Variants in ATP10A observed in about 807,000 individuals in gnomAD.
ATP10A encodes phospholipid-transporting ATPase VA.
ATP10A carries 111 observed loss-of-function variants against 147.8 expected under a neutral mutation model. That is an observed-to-expected ratio of 0.75 (90% CI 0.64 to 0.88). ATP10A has a LOEUF of 0.88. Among genes scored for constraint, ATP10A ranks in the 40% least tolerant of loss-of-function variants. ATP10A has a pLI of 0.00. For synonymous variants in ATP10A, 875 were observed against 841.6 expected (o/e 1.04, Z -0.69); for missense variants, 1,927 against 1,959.0 (o/e 0.98, Z 0.31).
intron 12 of ATP10A, among the ~76,000 whole-genome samples, chr15:25,707,365 T>C (rs543508029): frequency 6.6e-6 from 1 of 152,226 alleles, no homozygotes; most frequent in African/African-American, 2.4e-5. Flanking sequence ...CAACACCAGC[T>C]CTTCAAGGAC....
chr15:25,742,855 C>T lies in ATP10A; in HGVS notation c.655-6714G>A, dbSNP rs183941875. On this transcript the variant is annotated intron_variant, in intron 2 of 20. Coordinates refer to ENST00000555815, the MANE Select transcript of ATP10A (RefSeq NM_024490.4). The stretch of plus-strand genomic sequence containing the variant: ...CAACAGGGTGTCCCTGCATGAAACC[C>T]GCCTGCAGCCCCTCTGCTGAGCTAT... Among the ~76,000 whole-genome samples the T allele has an allele frequency of 2.4e-3, 362 of 152,314 alleles. 1 individual carries two copies. Among genetic ancestry groups the T allele is most frequent in the African/African-American group, 8.3e-3 (347 of 41,558 alleles).
chr15:25,864,425 T>A (rs771474774), upstream of ATP10A, among the ~76,000 whole-genome samples: 1 of 152,158 alleles, frequency 6.6e-6, no homozygotes, highest in Non-Finnish European at 1.5e-5. Context: ...TGGGGGTGCC[T>A]GCTAACAAGG....
chr15:25,683,319 G>A lies in ATP10A; in HGVS notation c.3459C>T (p.Asn1153=). 1 of 1,614,124 alleles carries A rather than the reference G, an allele frequency of 6.2e-7. No homozygotes were observed. Among genetic ancestry groups the A allele is most frequent in the Non-Finnish European group, 8.5e-7 (1 of 1,180,026 alleles). ...TCTGGCCACTCTTGTAGAGCTGCGG[G>A]TTGGTCAGCAGCACATTGGCTGGCA... ...RDVPANVLLT[N]PQLYKSGQNM... Residue 1153 remains asparagine, a synonymous_variant, in exon 17 of 21, where the codon AAC becomes AAT. Coordinates refer to ENST00000555815, the MANE Select transcript of ATP10A (RefSeq NM_024490.4).
intron 1 of ATP10A, among the ~76,000 whole-genome samples, chr15:25,830,309 A>C (rs1383875588): frequency 1.3e-5 from 2 of 152,112 alleles, no homozygotes; most frequent in Admixed American, 1.3e-4. Flanking sequence ...CTGCAGAGCC[A>C]CCTTGGGAAG....
At chr15:25,858,910 A>G (rs1597010758) in intron 1 of ATP10A, among the ~76,000 whole-genome samples, 1 of 152,160 alleles carries the variant, frequency 6.6e-6, no homozygotes, top group Non-Finnish European at 1.5e-5. Flanking sequence ...AAAGATAACA[A>G]TAGCCTAGGC....
chr15:25,806,127 T>C (rs1347933843), intron 1 of ATP10A, among the ~76,000 whole-genome samples: 1 of 152,164 alleles, frequency 6.6e-6, no homozygotes, highest in Admixed American at 6.5e-5. Context: ...TAACAAAAGT[T>C]ACACCAAGTG....
chr15:25,745,580 A>G (rs1319650011), intron 2 of ATP10A, among the ~76,000 whole-genome samples: 2 of 152,120 alleles, frequency 1.3e-5, no homozygotes, highest in Non-Finnish European at 2.9e-5. Context: ...GAGAGAGAGA[A>G]GGAAATTGGC....
chr15:25,746,124 A>T (rs959595895), intron 2 of ATP10A, among the ~76,000 whole-genome samples: 4 of 152,220 alleles, frequency 2.6e-5, no homozygotes, highest in Middle Eastern at 3.2e-3. Context: ...ACGAGAAGAA[A>T]GACCTAAAGC....
chr15:25,694,236 AC>A (rs933803277), intron 14 of ATP10A, among the ~76,000 whole-genome samples: 38 of 152,338 alleles, frequency 2.5e-4, no homozygotes, highest in African/African-American at 8.7e-4. Context: ...AGGAAAAACC[AC>A]CATGAGAAAC....
intron 1 of ATP10A, among the ~76,000 whole-genome samples, chr15:25,836,326 T>A (rs1892593951): frequency 6.6e-6 from 1 of 152,210 alleles, no homozygotes; most frequent in Non-Finnish European, 1.5e-5. Flanking sequence ...CAACTCTCTC[T>A]TTCTAACCTT....
rs1400911560 is a variant in ATP10A at position 25,722,007 on chromosome 15, G to T, written c.1111-98C>A. ...AAATAACAAATGACTACAACCGCAAGAAAGTAGGGACTATACTGTACCTTT... is the reference window on the plus strand; with the variant it reads ...AAATAACAAATGACTACAACCGCAATAAAGTAGGGACTATACTGTACCTTT... On this transcript the variant is annotated intron_variant, in intron 6 of 20. Coordinates refer to ENST00000555815, the MANE Select transcript of ATP10A (RefSeq NM_024490.4). 6.0e-6 allele frequency: 8 copies of T among 1,323,094 alleles called. No individual in the cohort carries two copies. The Middle Eastern group carries it at 5.6e-4, about 93-fold the overall frequency. The allele number at this position is 1,323,094 out of a possible 1,614,324, so 82.0% of individuals were successfully genotyped here.
intron 2 of ATP10A, among the ~76,000 whole-genome samples, chr15:25,777,499 G>A (rs1380273801): frequency 1.3e-5 from 2 of 152,108 alleles, no homozygotes; most frequent in Admixed American, 6.5e-5. Context: ...ATTTAAGGCT[G>A]TGCCCCCTGC....
Position 25,679,796 on chromosome 15 carries a change from G to T in ATP10A, c.4045C>A (p.Pro1349Thr). ...SSGRTVKTSVPLSQPSWHTQQ... is the reference protein window; with the variant it reads ...SSGRTVKTSVTLSQPSWHTQQ... ...GTGTGCCAAGAAGGCTGGGACAGGG[G>T]CACAGAGGTCTTGACTGTCCTCCCT... The change falls in exon 21 of 21, where the codon CCC becomes ACC. Residue 1349 changes from proline to threonine, a missense_variant. By Grantham distance (38) the Pro-to-Thr change is conservative (BLOSUM62 -1). Transcript: ENST00000555815. 1.2e-6 allele frequency: 2 copies of T among 1,612,668 alleles called. No individual in the cohort carries two copies. Among genetic ancestry groups the T allele is most frequent in the Non-Finnish European group, 1.7e-6 (2 of 1,179,816 alleles).
chr15:25,804,338 G>T (rs1891081327), intron 1 of ATP10A, among the ~76,000 whole-genome samples: 1 of 150,886 alleles, frequency 6.6e-6, no homozygotes, highest in Non-Finnish European at 1.5e-5. Context: ...GTGATATGAG[G>T]TGTTTATGAT....
At chr15:25,707,417 C>T (rs974912219) in intron 12 of ATP10A, among the ~76,000 whole-genome samples, 1 of 152,050 alleles carries the variant, frequency 6.6e-6, no homozygotes, top group Non-Finnish European at 1.5e-5. Flanking sequence ...TTAATGAATG[C>T]TTTAATAAAT....
At chr15:25,759,840 T>C (rs1888657430) in intron 2 of ATP10A, among the ~76,000 whole-genome samples, 2 of 152,082 alleles carry the variant, frequency 1.3e-5, no homozygotes, top group African/African-American at 4.8e-5. Flanking sequence ...TTCTTTACCT[T>C]TTAGGTAGCT....
chr15:25,705,151 A>T (rs1203284646), intron 12 of ATP10A, among the ~76,000 whole-genome samples: 1 of 152,202 alleles, frequency 6.6e-6, no homozygotes, highest in African/African-American at 2.4e-5. Flanking sequence ...ATTTAAGATA[A>T]GCACCTGGGC....
Position 25,736,082 on chromosome 15 carries a change from G to A in ATP10A, c.714C>T (p.Asn238=), listed in dbSNP as rs144385441. 101 of 1,613,694 alleles carry A rather than the reference G, an allele frequency of 6.3e-5. No homozygotes were observed. The East Asian group carries it at 6.7e-4, about 11-fold the overall frequency. ...TSVIECEKPN[N]DLSRFRGCII... is the part of the protein sequence containing the mutation. ...TGCAGCCGCGAAACCTACTCAGGTC[G>A]TTGTTTGGCTTCTCGCATTCGATCA... The change falls in exon 3 of 21, where the codon AAC becomes AAT. Residue 238 remains asparagine, a synonymous_variant. Coordinates refer to ENST00000555815, the MANE Select transcript of ATP10A (RefSeq NM_024490.4).
upstream of ATP10A, among the ~76,000 whole-genome samples, chr15:25,863,414 C>T (rs1403294274): frequency 6.6e-6 from 1 of 152,072 alleles, no homozygotes; most frequent in African/African-American, 2.4e-5. Context: ...GCCCCGCCCT[C>T]GTTCCGCGCC....
Sources: gnomAD v4.1 joint callset for allele counts (sites outside exome capture counted in the v4.1 genomes callset) on GRCh38, gnomAD v4.1.1 for gene constraint, MANE v1.5 for transcripts, NCBI Gene and HGNC (gene_info 2026-07-23, HGNC 2026-07-21) for gene names.